The following ZFAT variants were observed in gnomAD, a reference collection of about 807,000 sequenced individuals.
The protein encoded by ZFAT is zinc finger protein ZFAT.
In ZFAT, 64 loss-of-function variants were observed where a neutral mutation model predicts 117.7. The ratio of observed to expected loss-of-function variants is 0.54; its 90% CI spans 0.44 to 0.67. The LOEUF is 0.67. Among genes scored for constraint, ZFAT ranks in the 30% least tolerant of loss-of-function variants. The pLI is 0.00. For missense variants in ZFAT, 1,433 were observed against 1,584.5 expected (o/e 0.90, Z 1.62); for synonymous variants, 679 against 615.0 (o/e 1.10, Z -1.54).
intron 1 of ZFAT, among the ~76,000 whole-genome samples, chr8:134,669,941 A>G (rs1273229305): frequency 6.6e-6 from 1 of 152,200 alleles, no homozygotes; most frequent in East Asian, 1.9e-4. Context: ...AAAAAGGCAG[A>G]GGTTGCAATC....
At chr8:134,799,552 T>G in the ZFAT span, among the ~76,000 whole-genome samples, 1 of 152,238 alleles carries the variant, frequency 6.6e-6, no homozygotes, top group Non-Finnish European at 1.5e-5. Context: ...AGCTTATTTT[T>G]AAATTGTTAC....
At chr8:134,775,298 G>A in the ZFAT span, among the ~76,000 whole-genome samples, 46 of 152,274 alleles carry the variant, frequency 3.0e-4, no homozygotes, top group East Asian at 7.1e-3. Flanking sequence ...TATTACAATT[G>A]AAAATTTATT....
At chr8:134,510,678 A>C (rs6578007) in intron 14 of ZFAT, 1 of 155,156 alleles carries the variant, frequency 6.4e-6, no homozygotes. Flanking sequence ...CCGAACATGC[A>C]AGGACGAAAA....
chr8:134,528,553 T>G lies in ZFAT; in HGVS notation c.3115+4281A>C, dbSNP rs12679381. Among the ~76,000 whole-genome samples, 986 of 152,300 alleles carry G rather than the reference T, an allele frequency of 6.5e-3. 50 individuals carry two copies. In the East Asian group the frequency reaches 0.13, roughly 20 times the overall value. On this transcript the variant is annotated intron_variant, in intron 12 of 15. Transcript: ENST00000377838. ...ATCCAAGGTACACATGCATACATATTTACATTTTTCTAATATAGCACTTCA... is the reference window on the plus strand; with the variant it reads ...ATCCAAGGTACACATGCATACATATGTACATTTTTCTAATATAGCACTTCA...
intron 15 of ZFAT, among the ~76,000 whole-genome samples, chr8:134,495,256 G>A (rs76495478): frequency 0.03 from 4,634 of 152,168 alleles, 227 homozygotes; most frequent in African/African-American, 0.11. Flanking sequence ...GTTACAGTGC[G>A]GGCCCCTCTT....
At chr8:134,493,132 TA>T (rs1033089411) in intron 15 of ZFAT, among the ~76,000 whole-genome samples, 1 of 152,212 alleles carries the variant, frequency 6.6e-6, no homozygotes, top group Non-Finnish European at 1.5e-5. Context: ...GTGCAAAGCC[TA>T]AGCTGTAAAG....
intron 4 of ZFAT, among the ~76,000 whole-genome samples, chr8:134,609,155 TAC>T (rs111554503): frequency 0.1 from 15,829 of 151,522 alleles, 1,059 homozygotes; most frequent in East Asian, 0.35. Context: ...AGTACACATA[TAC>T]ACACACACAC....
In ZFAT at chr8:134,600,519, G is replaced by C. The variant is rs371926234; in HGVS notation, c.2392C>G (p.Leu798Val). 1.2e-6 allele frequency: 2 copies of C among 1,614,088 alleles called. No individual in the cohort carries two copies. The highest frequency in any genetic ancestry group is 1.3e-5 in the African/African-American group (1 of 74,918). ...TCACAGCCATCGGTGGGACACTTCA[G>C]CAAGATGTTACTGTGTTTCTGAATT... Reference protein sequence around the residue: ...HVIQKHSNILLKCPTDGCDYS... With the variant: ...HVIQKHSNILVKCPTDGCDYS... Residue 798 changes from leucine to valine, a missense_variant, in exon 7 of 16, where the codon CTG (leucine) becomes GTG (valine). Leu to Val is a conservative substitution (Grantham distance 32). Coordinates refer to ENST00000377838, the MANE Select transcript of ZFAT (RefSeq NM_020863.4).
At chr8:134,565,801 G>A (rs552258295) in intron 10 of ZFAT, 12 of 304,692 alleles carry the variant, frequency 3.9e-5, no homozygotes, top group African/African-American at 9.1e-5. Context: ...TCAGGAAAGC[G>A]GAGCAGCTGC....
chr8:134,509,552 A>C (rs1376311295), intron 15 of ZFAT, 67 bp downstream of exon 15: 15 of 1,600,530 alleles, frequency 9.4e-6, no homozygotes, highest in Non-Finnish European at 1.1e-5. Context: ...TTAGAAACAC[A>C]GGGAGAAGGA....
chr8:134,630,258 G>C, intron 3 of ZFAT, among the ~76,000 whole-genome samples: 1 of 152,188 alleles, frequency 6.6e-6, no homozygotes, highest in Non-Finnish European at 1.5e-5. Flanking sequence ...AGTTAGTACA[G>C]AGGAAAAAAT....
the ZFAT span, among the ~76,000 whole-genome samples, chr8:134,807,722 A>C: frequency 2.0e-4 from 30 of 151,994 alleles, no homozygotes; most frequent in South Asian, 1.4e-3. Context: ...ATGGAAAAAA[A>C]AAAAAACAAA....
At chr8:134,652,816 T>C (rs544295872) in intron 2 of ZFAT, among the ~76,000 whole-genome samples, 1 of 152,318 alleles carries the variant, frequency 6.6e-6, no homozygotes, top group Non-Finnish European at 1.5e-5. Context: ...TCTTAGATCC[T>C]AGTGAGAATA....
intron 13 of ZFAT, among the ~76,000 whole-genome samples, chr8:134,514,217 C>T (rs1339664913): frequency 6.6e-6 from 1 of 152,148 alleles, no homozygotes; most frequent in African/African-American, 2.4e-5. Flanking sequence ...ACTACCCAGT[C>T]TTATGTCAAC....
the ZFAT span, chr8:134,723,238 C>T: frequency 6.6e-6 from 1 of 152,294 alleles, no homozygotes; most frequent in Non-Finnish European, 1.5e-5. Flanking sequence ...CTGTCAGCAT[C>T]CCCATCCCCC....
intron 1 of ZFAT, among the ~76,000 whole-genome samples, chr8:134,707,590 C>A (rs971158008): frequency 2.0e-5 from 3 of 152,140 alleles, no homozygotes; most frequent in African/African-American, 7.2e-5. Context: ...ATTAAAATGC[C>A]CTCCAGCAAT....
intron 10 of ZFAT, among the ~76,000 whole-genome samples, chr8:134,574,198 G>C (rs1825139677): frequency 1.3e-5 from 2 of 152,158 alleles, no homozygotes; most frequent in South Asian, 4.1e-4. Context: ...AAGCCCCTGG[G>C]CTCAAGCAGG....
chr8:134,710,748 A>G (rs964562470), intron 1 of ZFAT, among the ~76,000 whole-genome samples: 2 of 152,210 alleles, frequency 1.3e-5, no homozygotes, highest in African/African-American at 4.8e-5. Flanking sequence ...CAATATTTTT[A>G]ATTTTGATCA....
intron 15 of ZFAT, among the ~76,000 whole-genome samples, chr8:134,491,111 CA>C (rs1937596690): frequency 6.6e-6 from 1 of 152,228 alleles, no homozygotes; most frequent in South Asian, 2.1e-4. Flanking sequence ...TAAAAATAAA[CA>C]ATAACAACAA....
Sources: gnomAD v4.1 joint callset for allele counts (sites outside exome capture counted in the v4.1 genomes callset) on GRCh38, gnomAD v4.1.1 for gene constraint, MANE v1.5 for transcripts, NCBI Gene and HGNC (gene_info 2026-07-23, HGNC 2026-07-21) for gene names.